Variants in ADAMTS16 observed in about 807,000 individuals in gnomAD.
ADAMTS16 encodes A disintegrin and metalloproteinase with thrombospondin motifs 16.
ADAMTS16 carries 94 observed loss-of-function variants against 145.8 expected under a neutral mutation model. That is an observed-to-expected ratio of 0.64 (90% CI 0.55 to 0.77). The LOEUF is 0.77. Ranked by LOEUF, ADAMTS16 falls within the 30% of genes least tolerant of loss-of-function variation. ADAMTS16 has a pLI of 0.00. For synonymous variants in ADAMTS16, 659 were observed against 604.3 expected (o/e 1.09, Z -1.33); for missense variants, 1,585 against 1,591.5 (o/e 1.00, Z 0.07).
At chr5:5,172,734 T>C (rs898275021) in intron 3 of ADAMTS16, among the ~76,000 whole-genome samples, 7 of 152,208 alleles carry the variant, frequency 4.6e-5, no homozygotes, top group African/African-American at 1.7e-4. Context: ...GATAAAATGT[T>C]CTGTAAATAT....
chr5:5,275,204 C>T (rs1386576412), intron 18 of ADAMTS16, among the ~76,000 whole-genome samples: 1 of 152,162 alleles, frequency 6.6e-6, no homozygotes, highest in African/African-American at 2.4e-5. Context: ...TATTCTCTGA[C>T]CCATCAATAA....
intron 4 of ADAMTS16, among the ~76,000 whole-genome samples, chr5:5,185,851 C>T (rs1735480966): frequency 6.6e-6 from 1 of 152,194 alleles, no homozygotes; most frequent in African/African-American, 2.4e-5. Context: ...CCATGATTTC[C>T]ATGATGCCTA....
At chr5:5,255,627 A>C (rs947484506) in intron 17 of ADAMTS16, among the ~76,000 whole-genome samples, 2 of 152,182 alleles carry the variant, frequency 1.3e-5, no homozygotes, top group Non-Finnish European at 2.9e-5. Flanking sequence ...CCACCTTCCA[A>C]ATCTCATGCT....
chr5:5,228,596 C>A (rs551875623), intron 11 of ADAMTS16, among the ~76,000 whole-genome samples: 160 of 152,160 alleles, frequency 1.1e-3, no homozygotes, highest in African/African-American at 3.8e-3. Context: ...GAGGCTGTAG[C>A]CTCTTAATCT....
At chr5:5,171,219 A>G (rs1203081856) in intron 3 of ADAMTS16, among the ~76,000 whole-genome samples, 1 of 152,142 alleles carries the variant, frequency 6.6e-6, no homozygotes, top group Admixed American at 6.5e-5. Flanking sequence ...CTGGCAAAGA[A>G]GGATAATTTG....
chr5:5,236,056 A>G (rs16875108), intron 13 of ADAMTS16, among the ~76,000 whole-genome samples: 2,784 of 152,346 alleles, frequency 0.018, 90 homozygotes, highest in African/African-American at 0.064. Flanking sequence ...AGAGAAAGGT[A>G]GAATGAACTT....
At chr5:5,218,116 A>G (rs1736486828) in intron 10 of ADAMTS16, among the ~76,000 whole-genome samples, 1 of 152,254 alleles carries the variant, frequency 6.6e-6, no homozygotes, top group East Asian at 1.9e-4. Context: ...TAGTGCTTTA[A>G]TAAAACCATG....
chr5:5,239,896 G>T lies in ADAMTS16; in HGVS notation c.2494G>T (p.Gly832Ter). The change falls in exon 16 of 23, where the codon GGA becomes TGA. Residue 832 changes from glycine (G) to a stop codon, truncating the protein, a stop_gained. Transcript: ENST00000274181. LOFTEE classifies it high-confidence loss of function. ...TGAGCCCGAGAACTTAATCGCTACT[G>T]GACCAACCAACGAGACACTGATTGT... ...YNEPENLIAT[G>*]PTNETLIVEL... is the part of the protein sequence containing the mutation. The T allele has an allele frequency of 6.2e-7, 1 of 1,614,008 alleles. No homozygotes were observed. The highest frequency in any genetic ancestry group is 8.5e-7 in the Non-Finnish European group (1 of 1,180,020).
chr5:5,246,134 C>A (rs1424717984), intron 17 of ADAMTS16, among the ~76,000 whole-genome samples: 1 of 152,200 alleles, frequency 6.6e-6, no homozygotes, highest in Non-Finnish European at 1.5e-5. Flanking sequence ...ACGCTGTCAT[C>A]TTTTAAAGTC....
chr5:5,229,297 T>A lies in ADAMTS16; in HGVS notation c.1702-3071T>A, dbSNP rs1214504190. ...TCCGGCCTGGGCGACAGAGCGAGAC[T>A]CCGTCTCAAAAAAAAAAAAAAAAAA... is the stretch of plus-strand genomic sequence containing the variant. On this transcript the variant is annotated intron_variant, in intron 11 of 22. Transcript: ENST00000274181. Among the ~76,000 whole-genome samples, 10 of 92,530 alleles carry A rather than the reference T, an allele frequency of 1.1e-4. No individual in the cohort carries two copies. The South Asian group carries it at 3.0e-3, about 28-fold the overall frequency. 60.7% of individuals were successfully genotyped at this position (92,530 alleles called of 152,430 possible).
intron 11 of ADAMTS16, among the ~76,000 whole-genome samples, chr5:5,224,632 T>C (rs990517431): frequency 7.9e-5 from 12 of 152,198 alleles, no homozygotes; most frequent in African/African-American, 2.9e-4. Flanking sequence ...TAATGAGATA[T>C]GGCATGGAAA....
At chr5:5,175,931 C>T (rs1190187998) in intron 3 of ADAMTS16, 1 of 152,292 alleles carries the variant, frequency 6.6e-6, no homozygotes, top group Non-Finnish European at 1.5e-5. Context: ...CTCCTACCCT[C>T]CTCAGAGCCT....
chr5:5,213,834 C>G (rs528889564), intron 10 of ADAMTS16, among the ~76,000 whole-genome samples: 1 of 152,334 alleles, frequency 6.6e-6, no homozygotes, highest in South Asian at 2.1e-4. Flanking sequence ...CTGTGGTCCT[C>G]TGCTAGGACA....
chr5:5,295,109 T>A (rs1739480085), intron 18 of ADAMTS16, among the ~76,000 whole-genome samples: 1 of 152,250 alleles, frequency 6.6e-6, no homozygotes, highest in Non-Finnish European at 1.5e-5. Flanking sequence ...AGCATTTTTT[T>A]GAGTAGGGTC....
chr5:5,183,859 A>G (rs1167496711), intron 4 of ADAMTS16, among the ~76,000 whole-genome samples: 1 of 152,218 alleles, frequency 6.6e-6, no homozygotes, highest in East Asian at 1.9e-4. Context: ...AGTTATTTCA[A>G]AAAGGATGCT....
chr5:5,219,016 A>G (rs935054623), intron 10 of ADAMTS16, among the ~76,000 whole-genome samples: 2 of 152,074 alleles, frequency 1.3e-5, no homozygotes, highest in Admixed American at 6.6e-5. Flanking sequence ...AGGCCAGAGT[A>G]GTCTTGGAAA....
intron 3 of ADAMTS16, among the ~76,000 whole-genome samples, chr5:5,165,048 T>C (rs561435622): frequency 3.4e-4 from 51 of 152,154 alleles, no homozygotes; most frequent in Non-Finnish European, 6.8e-4. Flanking sequence ...TGCAACCTTC[T>C]TCACAGTTCA....
At chr5:5,296,454 A>G (rs1169949593) in intron 18 of ADAMTS16, among the ~76,000 whole-genome samples, 1 of 152,218 alleles carries the variant, frequency 6.6e-6, no homozygotes, top group Non-Finnish European at 1.5e-5. Flanking sequence ...TAAAATTAGT[A>G]CAACTTTAAT....
intron 9 of ADAMTS16, among the ~76,000 whole-genome samples, chr5:5,203,587 T>C (rs878957089): frequency 6.6e-6 from 1 of 152,228 alleles, no homozygotes; most frequent in Admixed American, 6.5e-5. Flanking sequence ...TGATAGTTTT[T>C]TGGAGTGAAT....
Sources: allele counts gnomAD v4.1 joint callset (sites outside exome capture counted in the v4.1 genomes callset), GRCh38; gene constraint gnomAD v4.1.1; transcripts MANE v1.5; gene names NCBI Gene and HGNC (gene_info 2026-07-23, HGNC 2026-07-21).